COL8A1: variants seen among roughly 807,000 people sequenced by gnomAD.
COL8A1 encodes collagen alpha-1(VIII) chain.
COL8A1 carries 21 observed loss-of-function variants against 42.7 expected under a neutral mutation model. That is an observed-to-expected ratio of 0.49 (90% CI 0.35 to 0.71). The LOEUF (loss-of-function observed/expected upper bound fraction) is 0.71. Ranked by LOEUF, COL8A1 falls within the 30% of genes least tolerant of loss-of-function variation. COL8A1 has a pLI of 0.01. For synonymous variants in COL8A1, 367 were observed against 369.1 expected (o/e 0.99, Z 0.06); for missense variants, 788 against 962.4 (o/e 0.82, Z 2.40).
At chr3:99,648,698 C>T (rs549993396) in intron 1 of COL8A1, among the ~76,000 whole-genome samples, 4 of 152,240 alleles carry the variant, frequency 2.6e-5, no homozygotes, top group African/African-American at 4.8e-5. Context: ...ATTCTTAAGG[C>T]AATAGAAATT....
At chr3:99,767,944 G>T (rs1392441032) in intron 2 of COL8A1, among the ~76,000 whole-genome samples, 13 of 152,160 alleles carry the variant, frequency 8.5e-5, no homozygotes, top group Admixed American at 8.5e-4. Flanking sequence ...CCATTCTCCT[G>T]TTGAAGGTGA....
chr3:99,660,791 T>C (rs1410077076), intron 1 of COL8A1, among the ~76,000 whole-genome samples: 1 of 152,154 alleles, frequency 6.6e-6, no homozygotes, highest in Non-Finnish European at 1.5e-5. Flanking sequence ...AAATTATAGG[T>C]TTTTACTTTA....
intron 2 of COL8A1, among the ~76,000 whole-genome samples, chr3:99,765,916 G>A (rs1941456011): frequency 6.6e-6 from 1 of 152,120 alleles, no homozygotes; most frequent in Non-Finnish European, 1.5e-5. Flanking sequence ...ACATAAAGTG[G>A]CTGTGACCAC....
At chr3:99,658,175 G>A (rs1001690933) in intron 1 of COL8A1, among the ~76,000 whole-genome samples, 1 of 150,656 alleles carries the variant, frequency 6.6e-6, no homozygotes, top group Admixed American at 6.6e-5. Context: ...GCCTTCCACT[G>A]GAGTCCTGAA....
chr3:99,717,767 T>C (rs1052416296), intron 1 of COL8A1, among the ~76,000 whole-genome samples: 3 of 152,002 alleles, frequency 2.0e-5, no homozygotes, highest in Non-Finnish European at 4.4e-5. Flanking sequence ...TTCAGAGACC[T>C]TGACTTGCCC....
chr3:99,718,611 T>C (rs1316360449), intron 1 of COL8A1, among the ~76,000 whole-genome samples: 1 of 152,042 alleles, frequency 6.6e-6, no homozygotes, highest in Non-Finnish European at 1.5e-5. Context: ...CTGATAGTTG[T>C]TTCTAAATGA....
chr3:99,795,986 C>A lies in COL8A1; in HGVS notation c.2085C>A (p.Gly695=). 1 of 1,613,982 alleles carries A rather than the reference C, an allele frequency of 6.2e-7. No homozygotes were observed. The highest frequency in any genetic ancestry group is 8.5e-7 in the Non-Finnish European group (1 of 1,179,948). The part of the protein sequence containing the change: ...VMYTYDEYKK[G]FLDQASGSAV... Reference sequence around the variant, plus strand: ...ACACGTACGACGAGTACAAAAAGGGCTTCCTGGACCAGGCATCTGGGAGTG... The same window carrying A: ...ACACGTACGACGAGTACAAAAAGGGATTCCTGGACCAGGCATCTGGGAGTG... Residue 695 remains glycine, a synonymous_variant, in exon 4 of 4, where the codon GGC becomes GGA. Transcript: ENST00000652472.
intron 1 of COL8A1, among the ~76,000 whole-genome samples, chr3:99,704,604 C>A (rs563834154): frequency 2.0e-5 from 3 of 152,246 alleles, no homozygotes; most frequent in Non-Finnish European, 4.4e-5. Context: ...TTGGAGCAGT[C>A]TTGGGGTCAG....
intron 1 of COL8A1, among the ~76,000 whole-genome samples, chr3:99,655,086 TAG>T (rs1937975366): frequency 6.6e-6 from 1 of 152,176 alleles, no homozygotes; most frequent in African/African-American, 2.4e-5. Flanking sequence ...AAAAGCCACT[TAG>T]AGAACAAATG....
At chr3:99,784,507 A>G (rs1414742564) in intron 2 of COL8A1, among the ~76,000 whole-genome samples, 1 of 152,208 alleles carries the variant, frequency 6.6e-6, no homozygotes, top group African/African-American at 2.4e-5. Flanking sequence ...ACCACTTGCT[A>G]CACACCTTGG....
intron 1 of COL8A1, among the ~76,000 whole-genome samples, chr3:99,656,193 G>A (rs563103637): frequency 5.3e-5 from 8 of 152,056 alleles, no homozygotes; most frequent in East Asian, 1.9e-4. Flanking sequence ...TATCCAAACC[G>A]TCTCATTTCC....
chr3:99,784,210 A>G (rs1941849195), intron 2 of COL8A1, among the ~76,000 whole-genome samples: 1 of 152,230 alleles, frequency 6.6e-6, no homozygotes, highest in Non-Finnish European at 1.5e-5. Context: ...ACACATAATT[A>G]AATAACAATT....
intron 1 of COL8A1, among the ~76,000 whole-genome samples, chr3:99,659,903 G>A (rs1265631911): frequency 6.6e-6 from 1 of 152,146 alleles, no homozygotes; most frequent in African/African-American, 2.4e-5. Flanking sequence ...CTATGAACCA[G>A]AATATATGTG....
intron 2 of COL8A1, among the ~76,000 whole-genome samples, chr3:99,777,822 G>A (rs530046697): frequency 1.9e-4 from 29 of 152,270 alleles, no homozygotes; most frequent in Non-Finnish European, 3.7e-4. Flanking sequence ...GGCAGCTAAC[G>A]GAAATACACT....
chr3:99,769,986 T>C (rs1237555823), intron 2 of COL8A1, among the ~76,000 whole-genome samples: 1 of 152,218 alleles, frequency 6.6e-6, no homozygotes, highest in Non-Finnish European at 1.5e-5. Flanking sequence ...TTCAAGCTTC[T>C]ACAGACAAAT....
intron 1 of COL8A1, among the ~76,000 whole-genome samples, chr3:99,651,599 A>G (rs1223025006): frequency 6.6e-6 from 1 of 152,276 alleles, no homozygotes; most frequent in Non-Finnish European, 1.5e-5. Flanking sequence ...ACCATGCAAT[A>G]AAATCCTGTA....
intron 2 of COL8A1, among the ~76,000 whole-genome samples, chr3:99,745,701 T>C (rs1941010990): frequency 1.3e-5 from 2 of 152,308 alleles, no homozygotes; most frequent in East Asian, 1.9e-4. Flanking sequence ...TGGTTTTCTT[T>C]GTATGTGGTA....
intron 1 of COL8A1, among the ~76,000 whole-genome samples, chr3:99,665,220 A>G (rs1938327568): frequency 6.6e-6 from 1 of 152,156 alleles, no homozygotes; most frequent in African/African-American, 2.4e-5. Flanking sequence ...CTGCCTCTCT[A>G]CTCCCAGCCT....
Position 99,797,455 on chromosome 3 carries a change from A to G in COL8A1, c.*1319A>G, listed in dbSNP as rs1942126168. ...CCTGGCTAATTTTTGTATATTTAGTAAAGATGGGTTTTCGCCATGTTGGCC... is the reference window on the plus strand; with the variant it reads ...CCTGGCTAATTTTTGTATATTTAGTGAAGATGGGTTTTCGCCATGTTGGCC... On this transcript the variant is annotated 3_prime_UTR_variant, in exon 4 of 4. Coordinates refer to ENST00000652472, the MANE Select transcript of COL8A1 (RefSeq NM_020351.4). 6.6e-6 allele frequency: 1 copy of G among 152,072 alleles called. No homozygotes were observed. Among genetic ancestry groups the G allele is most frequent in the South Asian group, 2.1e-4 (1 of 4,822 alleles). 9.4% of individuals were successfully genotyped at this position (152,072 alleles called of 1,614,324 possible).
Sources: allele counts gnomAD v4.1 joint callset (sites outside exome capture counted in the v4.1 genomes callset), GRCh38; gene constraint gnomAD v4.1.1; transcripts MANE v1.5; gene names NCBI Gene and HGNC (gene_info 2026-07-23, HGNC 2026-07-21).